ARNT2: variants seen among roughly 807,000 people sequenced by gnomAD.
ARNT2 encodes the protein aryl hydrocarbon receptor nuclear translocator 2, also known as ARNT protein 2.
In ARNT2, 36 loss-of-function variants were observed where a neutral mutation model predicts 91.7. That is an observed-to-expected ratio of 0.39 (90% CI 0.30 to 0.52). The LOEUF is 0.52. ARNT2 is among the 20% of genes least tolerant of loss of function. ARNT2 has a pLI of 0.72. For missense variants in ARNT2, 775 were observed against 939.3 expected, an observed-to-expected ratio of 0.83 and a Z score of 2.29; for synonymous variants, 365 against 347.1, an observed-to-expected ratio of 1.05 and a Z score of -0.57.
At position 80,552,662 on chromosome 15, in the gene ARNT2, T is replaced by C. The variant is rs754527098; in HGVS notation, c.977T>C (p.Met326Thr). Reference sequence around the variant, plus strand: ...CAGGTGACCAGCTCTCCTGTATGCATGGACATGAATGGGATGTCGGTGCCC... The same window carrying C: ...CAGGTGACCAGCTCTCCTGTATGCACGGACATGAATGGGATGTCGGTGCCC... Reference protein sequence around the residue: ...RLQVTSSPVCMDMNGMSVPTE... With the variant: ...RLQVTSSPVCTDMNGMSVPTE... The change falls in exon 10 of 19, where the codon ATG becomes ACG. Residue 326 changes from methionine to threonine, a missense_variant. By Grantham distance (81) the Met-to-Thr change is moderately conservative. Around this residue, in one of 5 missense-constraint regions of ARNT2, gnomAD observed 285 missense variants for 327.2 expected, o/e 0.87. Transcript: ENST00000303329. 1.7e-5 allele frequency: 28 copies of C among 1,614,114 alleles called. No homozygotes were observed. The highest frequency in any genetic ancestry group is 2.1e-5 in the Non-Finnish European group (25 of 1,179,986).
chr15:80,519,137 C>T (rs769856355), intron 8 of ARNT2, among the ~76,000 whole-genome samples: 5 of 152,172 alleles, frequency 3.3e-5, no homozygotes, highest in Non-Finnish European at 7.4e-5. Flanking sequence ...GTTCCAGGCA[C>T]TGTAGATATT....
At chr15:80,441,988 G>A (rs1470135321) in intron 1 of ARNT2, among the ~76,000 whole-genome samples, 2 of 152,164 alleles carry the variant, frequency 1.3e-5, no homozygotes, top group African/African-American at 4.8e-5. Context: ...AGACTGCTGC[G>A]AATACAGATA....
At chr15:80,524,874 C>CAA (rs36043186) in intron 8 of ARNT2, among the ~76,000 whole-genome samples, 1 of 89,290 alleles carries the variant, frequency 1.1e-5, no homozygotes, top group Non-Finnish European at 2.3e-5. Context: ...GACTCTGTCT[C>CAA]AAAAAAAAAA....
At chr15:80,520,983 G>A (rs1019611611) in intron 8 of ARNT2, among the ~76,000 whole-genome samples, 2 of 152,168 alleles carry the variant, frequency 1.3e-5, no homozygotes, top group African/African-American at 4.8e-5. Flanking sequence ...TCTGTGCTTA[G>A]TAGTGATATT....
chr15:80,425,598 G>A (rs1056176176), intron 1 of ARNT2, among the ~76,000 whole-genome samples: 8 of 152,004 alleles, frequency 5.3e-5, no homozygotes, highest in African/African-American at 1.9e-4. Flanking sequence ...CAAAAAAATG[G>A]GATACATGTG....
chr15:80,500,161 A>G (rs1897171774), intron 5 of ARNT2, among the ~76,000 whole-genome samples: 1 of 152,166 alleles, frequency 6.6e-6, no homozygotes, highest in Non-Finnish European at 1.5e-5. Context: ...CACTGGTTGG[A>G]TCCCTGTCCT....
intron 11 of ARNT2, 86 bp from the exon 12 acceptor site, chr15:80,563,002 G>A (rs1019924325): frequency 4.1e-5 from 61 of 1,502,002 alleles, no homozygotes; most frequent in African/African-American, 3.6e-4. Flanking sequence ...GGCCCCTGCC[G>A]CAACCCCACT....
intron 11 of ARNT2, among the ~76,000 whole-genome samples, chr15:80,557,525 A>G (rs1443157161): frequency 6.6e-6 from 1 of 152,160 alleles, no homozygotes; most frequent in Non-Finnish European, 1.5e-5. Flanking sequence ...CACCTGGGTG[A>G]TGAAATAATC....
chr15:80,565,682 T>C (rs567843161), intron 12 of ARNT2, among the ~76,000 whole-genome samples: 3 of 152,214 alleles, frequency 2.0e-5, no homozygotes, highest in Non-Finnish European at 4.4e-5. Context: ...GTGTCTTCTT[T>C]TGAGAAGTAT....
At chr15:80,506,238 A>G (rs2141422589) in intron 5 of ARNT2, among the ~76,000 whole-genome samples, 1 of 152,326 alleles carries the variant, frequency 6.6e-6, no homozygotes, top group African/African-American at 2.4e-5. Context: ...GCCCGGCCCC[A>G]ACATTTGTTA....
chr15:80,533,675 AC>A (rs1394902539), intron 8 of ARNT2, among the ~76,000 whole-genome samples: 1 of 152,254 alleles, frequency 6.6e-6, no homozygotes, highest in East Asian at 1.9e-4. Context: ...ATGAAATTCC[AC>A]AGCTAAGGCA....
rs747496052 is a variant in ARNT2, at chr15:80,576,933, A to G, written c.1581A>G (p.Pro527=). 3.1e-6 allele frequency: 5 copies of G among 1,614,082 alleles called. No individual in the cohort carries two copies. The highest frequency in any genetic ancestry group is 4.2e-6 in the Non-Finnish European group (5 of 1,180,032). The change falls in exon 15 of 19, where the codon CCA becomes CCG. Residue 527 remains proline, a synonymous_variant. Coordinates refer to ENST00000303329, the MANE Select transcript of ARNT2 (RefSeq NM_014862.4). The stretch of plus-strand genomic sequence containing the variant: ...AGCAGATCTACTCCCAAGGAAGCCC[A>G]TTTCCCTCTGGACACTCCGGGAAGG... ...GTQQIYSQGS[P]FPSGHSGKAF...
intron 15 of ARNT2, 181 bp from the exon 16 acceptor site, chr15:80,580,230 G>T: frequency 2.7e-6 from 2 of 735,958 alleles, no homozygotes; most frequent in East Asian, 2.5e-5. Context: ...AGCCCTGAAG[G>T]GAGAGGAGGA....
chr15:80,426,571 A>G (rs1895934860), intron 1 of ARNT2, among the ~76,000 whole-genome samples: 1 of 152,210 alleles, frequency 6.6e-6, no homozygotes. Context: ...GGCTTGGTTC[A>G]TGCAAGGCCG....
chr15:80,562,951 A>T, intron 11 of ARNT2, 137 bp from the exon 12 acceptor site: 2 of 923,110 alleles, frequency 2.2e-6, no homozygotes, highest in Non-Finnish European at 3.4e-6. Context: ...TCCCTCTCTT[A>T]CTGTCTTTTA....
chr15:80,534,109 A>T (rs1011287140), intron 8 of ARNT2, among the ~76,000 whole-genome samples: 1 of 152,242 alleles, frequency 6.6e-6, no homozygotes, highest in Non-Finnish European at 1.5e-5. Context: ...GAAATGTTCC[A>T]ACTCTGCCAA....
chr15:80,481,289 C>G (rs1249546109), intron 5 of ARNT2, among the ~76,000 whole-genome samples: 1 of 152,248 alleles, frequency 6.6e-6, no homozygotes, highest in Non-Finnish European at 1.5e-5. Context: ...TGCAGCTCTG[C>G]TCATATACCT....
chr15:80,435,048 C>G (rs949179728), intron 1 of ARNT2, among the ~76,000 whole-genome samples: 1 of 152,136 alleles, frequency 6.6e-6, no homozygotes, highest in Non-Finnish European at 1.5e-5. Flanking sequence ...TCCCCTCCTA[C>G]CGGTTGTCGC....
intron 18 of ARNT2, 127 bp from the exon 19 acceptor site, chr15:80,593,473 G>T (rs551122759): frequency 5.0e-5 from 34 of 682,294 alleles, no homozygotes; most frequent in Middle Eastern, 4.1e-4. Context: ...GAAGGCTGGG[G>T]AGGACCTCTG....
Sources: gnomAD v4.1 joint callset for allele counts (sites outside exome capture counted in the v4.1 genomes callset) on GRCh38, gnomAD v4.1.1 for gene constraint, gnomAD v4.1.1 regional missense constraint, MANE v1.5 for transcripts, NCBI Gene and HGNC (gene_info 2026-07-23, HGNC 2026-07-21) for gene names.